ZFHX3: variants seen among roughly 807,000 people sequenced by gnomAD.
ZFHX3 encodes the protein zinc finger homeobox 3, also known as zinc finger homeobox protein 3.
In ZFHX3, 42 loss-of-function variants were observed where a neutral mutation model predicts 279.1. That is an observed-to-expected ratio of 0.15 (90% CI 0.12 to 0.19). ZFHX3 has a LOEUF of 0.19. ZFHX3 is among the 10% of genes least tolerant of loss of function. The pLI is 1.00. For missense variants in ZFHX3, 4,981 were observed against 4,754.0 expected (o/e 1.05, Z -1.40); for synonymous variants, 2,293 against 1,957.8 (o/e 1.17, Z -4.52).
chr16:73,354,642 G>A (rs555827222), intron 3 of ZFHX3, among the ~76,000 whole-genome samples: 2 of 152,292 alleles, frequency 1.3e-5, no homozygotes, highest in South Asian at 4.2e-4. Context: ...CAAACAGGAG[G>A]CCAAGAATTT....
intron 4 of ZFHX3, among the ~76,000 whole-genome samples, chr16:72,872,317 T>TCC (rs2143965767): frequency 6.6e-6 from 1 of 152,258 alleles, no homozygotes; most frequent in Non-Finnish European, 1.5e-5. Flanking sequence ...GCAGTTCCCC[T>TCC]CCAATACAAA....
At chr16:73,229,270 A>G (rs111970977) in intron 5 of ZFHX3, among the ~76,000 whole-genome samples, 1 of 152,326 alleles carries the variant, frequency 6.6e-6, no homozygotes, top group African/African-American at 2.4e-5. Flanking sequence ...ATCTTTCCCC[A>G]ACCCAGTGAC....
intron 2 of ZFHX3, among the ~76,000 whole-genome samples, chr16:73,537,210 T>G (rs901836535): frequency 1.3e-5 from 2 of 152,032 alleles, no homozygotes; most frequent in African/African-American, 4.8e-5. Flanking sequence ...TGGCTCAGAG[T>G]TCAGCATCAC....
At chr16:73,256,321 C>T (rs1427270654) in intron 5 of ZFHX3, among the ~76,000 whole-genome samples, 1 of 152,172 alleles carries the variant, frequency 6.6e-6, no homozygotes, top group Non-Finnish European at 1.5e-5. Context: ...ACATTTTCTA[C>T]AAATAGAAGA....
intron 4 of ZFHX3, among the ~76,000 whole-genome samples, chr16:72,862,918 G>A (rs547308942): frequency 3.2e-4 from 48 of 152,176 alleles, no homozygotes; most frequent in African/African-American, 1.1e-3. Context: ...CACCATGTTG[G>A]CATCTGGATT....
chr16:72,794,925 C>G lies in ZFHX3; in HGVS notation c.7757G>C (p.Ser2586Thr), dbSNP rs1444765508. 6.2e-7 allele frequency: 1 copy of G among 1,613,966 alleles called. No individual in the cohort carries two copies. The highest frequency in any genetic ancestry group is 8.5e-7 in the Non-Finnish European group (1 of 1,180,036). The change falls in exon 9 of 10, where the codon AGC becomes ACC. Residue 2586 changes from serine (S) to threonine (T), a missense_variant. Coordinates refer to ENST00000268489, the MANE Select transcript of ZFHX3 (RefSeq NM_006885.4). The surrounding 1 kb of genome is among the most constrained non-coding windows in gnomAD (Gnocchi z 4.2). The part of the protein sequence containing the change: ...LFDPSNPLLA[S>T]QLLSGAIPQI... ...AGGTATGGCCCCAGAGAGCAGCTGG[C>G]TGGCCAGGAGTGGGTTACTGGGATC...
intron 3 of ZFHX3, among the ~76,000 whole-genome samples, chr16:73,349,742 C>A (rs1250350380): frequency 4.2e-5 from 3 of 71,144 alleles, no homozygotes; most frequent in Non-Finnish European, 7.4e-5. Context: ...TCCCTTCCTT[C>A]CCTCCCTCCC....
At chr16:73,095,128 T>C (rs985346452) in intron 7 of ZFHX3, among the ~76,000 whole-genome samples, 2 of 152,176 alleles carry the variant, frequency 1.3e-5, no homozygotes, top group African/African-American at 2.4e-5. Context: ...TCTTGCTGTG[T>C]TGCCTAGGCT....
intron 1 of ZFHX3, among the ~76,000 whole-genome samples, chr16:73,774,379 T>C (rs1182786070): frequency 1.3e-5 from 2 of 152,152 alleles, no homozygotes; most frequent in East Asian, 1.9e-4. Flanking sequence ...ATGACCACCA[T>C]TGCTGCCTTC....
rs2012233053 is a variant in ZFHX3, at chr16:73,216,961, C to T, written c.-1104+40086G>A. On this transcript the variant is annotated intron_variant, in intron 5 of 17. Coordinates refer to the ZFHX3 transcript ENST00000641206. ...GTAAAGACATGTTCCGAAAGCATGG[C>T]CGTGGTCCACTTAAGTTCTCCCTTA... Among the ~76,000 whole-genome samples, 3 of 152,148 alleles carry T rather than the reference C, an allele frequency of 2.0e-5. No individual in the cohort carries two copies. In the South Asian group the frequency reaches 6.2e-4, roughly 32 times the overall value.
At chr16:73,604,860 A>G (rs1290301490) in intron 2 of ZFHX3, among the ~76,000 whole-genome samples, 2 of 152,090 alleles carry the variant, frequency 1.3e-5, no homozygotes, top group Non-Finnish European at 2.9e-5. Flanking sequence ...AGTTTTGGTC[A>G]CGATGTCTGG....
At chr16:73,162,761 G>A (rs769557520) in intron 5 of ZFHX3, among the ~76,000 whole-genome samples, 4 of 152,026 alleles carry the variant, frequency 2.6e-5, no homozygotes, top group East Asian at 1.9e-4. Context: ...TCTTAACCCC[G>A]GAATGTCGAA....
At chr16:72,848,494 T>A (rs1445560418) in intron 4 of ZFHX3, among the ~76,000 whole-genome samples, 4 of 152,168 alleles carry the variant, frequency 2.6e-5, no homozygotes, top group Non-Finnish European at 5.9e-5. Flanking sequence ...TCAGGCCTGA[T>A]GCTGATAAAA....
chr16:73,644,566 T>G (rs953959446), intron 2 of ZFHX3, among the ~76,000 whole-genome samples: 1 of 151,814 alleles, frequency 6.6e-6, no homozygotes, highest in East Asian at 1.9e-4. Flanking sequence ...GAGGCTGAGG[T>G]AGGAAAATTG....
At chr16:73,087,495 A>G (rs968091380) in intron 8 of ZFHX3, among the ~76,000 whole-genome samples, 1 of 152,244 alleles carries the variant, frequency 6.6e-6, no homozygotes, top group African/African-American at 2.4e-5. Context: ...TGATATAGCC[A>G]AGATTTTAAA....
intron 8 of ZFHX3, among the ~76,000 whole-genome samples, chr16:73,070,947 C>G (rs1044237354): frequency 4.5e-5 from 6 of 133,148 alleles, no homozygotes; most frequent in African/African-American, 1.6e-4. Context: ...CGCACACACA[C>G]ACACACACAC....
intron 2 of ZFHX3, among the ~76,000 whole-genome samples, chr16:73,523,621 G>GT (rs3087040): frequency 0.026 from 3,775 of 144,108 alleles, 132 homozygotes; most frequent in African/African-American, 0.07. Flanking sequence ...TGGAAGCTGG[G>GT]TTTTTTTTTT....
chr16:73,044,814 T>A (rs990782329), intron 1 of ZFHX3, among the ~76,000 whole-genome samples: 9 of 151,880 alleles, frequency 5.9e-5, no homozygotes, highest in African/African-American at 1.9e-4. Context: ...AGAGACGGGG[T>A]TTCTCCATGT....
chr16:73,698,084 A>C (rs1389674552), intron 1 of ZFHX3, among the ~76,000 whole-genome samples: 2 of 152,184 alleles, frequency 1.3e-5, no homozygotes, highest in East Asian at 3.9e-4. Context: ...ATAAAGTTTT[A>C]AGTTTAGTTA....
Sources: allele counts gnomAD v4.1 joint callset (sites outside exome capture counted in the v4.1 genomes callset), GRCh38; gene constraint gnomAD v4.1.1; non-coding constraint Gnocchi (gnomAD v3.1); transcripts MANE v1.5; gene names NCBI Gene and HGNC (gene_info 2026-07-23, HGNC 2026-07-21).